ROS1: variants seen among roughly 807,000 people sequenced by gnomAD.
The protein encoded by ROS1 is ROS proto-oncogene 1, receptor tyrosine kinase.
A neutral mutation model predicts 273.5 loss-of-function variants in ROS1; 263 were observed. The ratio of observed to expected loss-of-function variants is 0.96; its 90% confidence interval spans 0.87 to 1.06. The LOEUF (loss-of-function observed/expected upper bound fraction) is 1.06. Ranked by LOEUF, ROS1 falls within the 50% of genes least tolerant of loss-of-function variation. The probability of loss-of-function intolerance (pLI) is 0.00; values close to 1 mark genes in which losing one functional copy is unlikely to be tolerated. For missense variants in ROS1, 2,833 were observed against 2,751.1 expected, an observed-to-expected ratio of 1.03 and a Z score of -0.67; for synonymous variants, 1,008 against 954.1, an observed-to-expected ratio of 1.06 and a Z score of -1.04.
Position 117,299,093 on chromosome 6 carries a change from C to T in ROS1, c.6715+1881G>A, listed in dbSNP as rs183344322. Among the ~76,000 whole-genome samples, 97 of 152,226 alleles carry T rather than the reference C, an allele frequency of 6.4e-4. 1 individual carries two copies. Among genetic ancestry groups the T allele is most frequent in the Non-Finnish European group, 6.9e-4 (47 of 68,026 alleles). On this transcript the variant is annotated intron_variant, in intron 43 of 43. Transcript: ENST00000368507. ...TGGCATTCTAAGAATCAGCTCTGTC[C>T]AGGATGATAGTGAGTAGAAACAATG...
chr6:117,326,381 A>T lies in ROS1; in HGVS notation c.5382T>A (p.Asn1794Lys). 6.4e-7 allele frequency: 1 copy of T among 1,558,488 alleles called. No individual in the cohort carries two copies. The highest frequency in any genetic ancestry group is 8.6e-7 in the Non-Finnish European group (1 of 1,161,378). Reference sequence around the variant, plus strand: ...CATTAAATGTCATCTTCCACCTTAAATTCTGGTTCTGTAAATTATTTGAAG... The same window carrying T: ...CATTAAATGTCATCTTCCACCTTAATTTCTGGTTCTGTAAATTATTTGAAG... Reference protein sequence around the residue: ...KSTSNNLQNQNLRWKMTFNGS... With the variant: ...KSTSNNLQNQKLRWKMTFNGS... The change falls in exon 34 of 44, where the codon AAT becomes AAA. Residue 1794 changes from asparagine (N) to lysine (K), a missense_variant. By Grantham distance (94) the Asn-to-Lys change is moderately conservative. Transcript: ENST00000368507.
At chr6:117,369,767 A>C (rs945839813) in intron 18 of ROS1, among the ~76,000 whole-genome samples, 5 of 152,166 alleles carry the variant, frequency 3.3e-5, no homozygotes, top group Admixed American at 3.3e-4. Flanking sequence ...CACAGGTAGG[A>C]AACTAGCCAG....
At chr6:117,326,584 T>C (rs1199758542) in intron 33 of ROS1, among the ~76,000 whole-genome samples, 170 bp from the exon 34 acceptor site, 1 of 152,094 alleles carries the variant, frequency 6.6e-6, no homozygotes, top group Non-Finnish European at 1.5e-5. Flanking sequence ...CAGCATGGTT[T>C]TATAGTGATC....
chr6:117,344,207 G>A lies in ROS1; in HGVS notation c.4359C>T (p.Ala1453=). The change falls in exon 28 of 44, where the codon GCC becomes GCT. Residue 1453 remains alanine, a synonymous_variant. Coordinates refer to ENST00000368507, the MANE Select transcript of ROS1 (RefSeq NM_001378902.1). ...ATCTGATTGTGAGGCTAGTGTTAGT[G>A]GCATTAAGTATAGTTGGTTCCACAG... ...SDTVEPTILN[A]TNTSLTIRLP... 1 of 1,613,972 alleles carries A rather than the reference G, an allele frequency of 6.2e-7. No individual in the cohort carries two copies. Among genetic ancestry groups the A allele is most frequent in the Non-Finnish European group, 8.5e-7 (1 of 1,179,954 alleles).
rs3836983 is a variant in ROS1, at chr6:117,414,553, GAAA to G, written c.229-11_229-9del. ...GGTGGCATAAGTATCATTCTGCATA[GAAA>G]AAAAAAAAGACTACTTAAAATCTTG... On this transcript the variant is annotated splice_polypyrimidine_tract_variant and intron_variant, in intron 3 of 43. Transcript: ENST00000368507. The G allele has an allele frequency of 1.7e-5, 10 of 589,310 alleles. No individual in the cohort carries two copies. The highest frequency in any genetic ancestry group is 8.9e-5 in the Admixed American group (3 of 33,624). The allele number at this position is 589,310 out of a possible 1,614,324, so 36.5% of individuals were successfully genotyped here.
chr6:117,326,087 AAGATT>A (rs1355042741), intron 34 of ROS1, 132 bp downstream of exon 34: 36 of 173,252 alleles, frequency 2.1e-4, no homozygotes, highest in Admixed American at 3.2e-4. Context: ...TTTGGATAAT[AAGATT>A]ATATATATAT....
intron 12 of ROS1, among the ~76,000 whole-genome samples, chr6:117,392,902 C>T (rs144094641): frequency 6.6e-6 from 1 of 152,164 alleles, no homozygotes; most frequent in Non-Finnish European, 1.5e-5. Context: ...GAAAGTGAGA[C>T]TCAATCCCAT....
In ROS1 at chr6:117,287,913, G is replaced by A. The variant is rs531820324; in HGVS notation, c.*579C>T. Among the ~76,000 whole-genome samples, 7 of 93,120 alleles carry A rather than the reference G, an allele frequency of 7.5e-5. No homozygotes were observed. Among genetic ancestry groups the A allele is most frequent in the East Asian group, 4.6e-4 (2 of 4,354 alleles). The allele number at this position is 93,120 out of a possible 152,430, so 61.1% of individuals were successfully genotyped here. On this transcript the variant is annotated 3_prime_UTR_variant, in exon 44 of 44. Transcript: ENST00000368507. ...AGCCTGGGCAACAGAGCAAGACTTC[G>A]TCTCAAAAAAAAAAAAAAAAAATTA...
Position 117,329,351 on chromosome 6 carries a change from T to G in ROS1, c.5326A>C (p.Thr1776Pro), listed in dbSNP as rs149390376. ...EKAEDNGCRITYYILEIRKST... is the reference protein window; with the variant it reads ...EKAEDNGCRIPYYILEIRKST... ...TACCTTATCTCAAGGATATAGTATGTAATTCTACATCCATTATCTTCAGCT... is the reference window on the plus strand; with the variant it reads ...TACCTTATCTCAAGGATATAGTATGGAATTCTACATCCATTATCTTCAGCT... The change falls in exon 33 of 44, where the codon ACA (threonine) becomes CCA (proline). Residue 1776 changes from threonine (T) to proline (P), a missense_variant. Coordinates refer to ENST00000368507, the MANE Select transcript of ROS1 (RefSeq NM_001378902.1). 89 of 1,531,544 alleles carry G rather than the reference T, an allele frequency of 5.8e-5. 1 individual carries two copies. Among genetic ancestry groups the G allele is most frequent in the Non-Finnish European group, 7.6e-5 (84 of 1,106,236 alleles). The allele number at this position is 1,531,544 out of a possible 1,614,324, so 94.9% of individuals were successfully genotyped here.
chr6:117,334,937 A>T (rs953562475), intron 32 of ROS1, among the ~76,000 whole-genome samples: 1 of 152,234 alleles, frequency 6.6e-6, no homozygotes, highest in African/African-American at 2.4e-5. Context: ...ATGGGCAAAG[A>T]CTTCATGACT....
intron 35 of ROS1, among the ~76,000 whole-genome samples, chr6:117,323,159 T>C (rs1776398117): frequency 6.6e-6 from 1 of 152,160 alleles, no homozygotes; most frequent in Non-Finnish European, 1.5e-5. Flanking sequence ...AACCACAGGT[T>C]AAAATCCTGG....
chr6:117,357,680 G>T (rs2273604), intron 25 of ROS1, 124 bp downstream of exon 25: 79,369 of 633,428 alleles, frequency 0.13, 5,764 homozygotes, highest in South Asian at 0.21. Flanking sequence ...ATAATATAGT[G>T]GGCCAAGAGC....
intron 39 of ROS1, among the ~76,000 whole-genome samples, chr6:117,316,917 C>T (rs1775961702): frequency 6.6e-6 from 1 of 151,992 alleles, no homozygotes; most frequent in Non-Finnish European, 1.5e-5. Flanking sequence ...GTCATGTTCT[C>T]CCATTAAATA....
rs372757261 is a variant in ROS1 at position 117,317,212 on chromosome 6, T to C, written c.6048A>G (p.Gln2016=). Residue 2016 remains glutamine, a synonymous_variant, in exon 39 of 44, where the codon CAA becomes CAG. Coordinates refer to ENST00000368507, the MANE Select transcript of ROS1 (RefSeq NM_001378902.1). ...CCTCCATCAGTTCCAGGATAATGTA[T>C]TGGGGTTCATTCAGCAGACAAACTC... ...QLGVCLLNEP[Q]YIILELMEGG... is the part of the protein sequence containing the mutation. The C allele has an allele frequency of 9.7e-5, 157 of 1,613,396 alleles. No individual in the cohort carries two copies. In the African/African-American group the frequency reaches 1.6e-3, roughly 16 times the overall value.
chr6:117,339,787 G>A (rs1777781554), intron 31 of ROS1, among the ~76,000 whole-genome samples: 1 of 152,088 alleles, frequency 6.6e-6, no homozygotes, highest in African/African-American at 2.4e-5. Flanking sequence ...AATTCAACCA[G>A]GAGATCTCTG....
intron 22 of ROS1, 112 bp downstream of exon 22, chr6:117,362,491 A>T (rs1448787317): frequency 4.1e-6 from 4 of 963,954 alleles, no homozygotes; most frequent in Non-Finnish European, 6.0e-6. Flanking sequence ...GGCCAATCAA[A>T]ATCTAGGTAT....
chr6:117,402,383 C>T (rs569530494), intron 7 of ROS1, among the ~76,000 whole-genome samples: 4 of 152,216 alleles, frequency 2.6e-5, no homozygotes, highest in Non-Finnish European at 4.4e-5. Context: ...TTTGCTCAAA[C>T]TTTACCCCAC....
chr6:117,417,414 C>T (rs1192199089), intron 2 of ROS1, among the ~76,000 whole-genome samples: 2 of 152,164 alleles, frequency 1.3e-5, no homozygotes. Flanking sequence ...GTTCATCACT[C>T]ACTGCCTCAA....
intron 43 of ROS1, among the ~76,000 whole-genome samples, chr6:117,290,479 A>G (rs1773757912): frequency 1.3e-5 from 2 of 152,238 alleles, no homozygotes; most frequent in African/African-American, 4.8e-5. Flanking sequence ...GTCAGATCTT[A>G]AGGCAGATAT....
Sources: gnomAD v4.1 joint callset for allele counts (sites outside exome capture counted in the v4.1 genomes callset) on GRCh38, gnomAD v4.1.1 for gene constraint, MANE v1.5 for transcripts, NCBI Gene and HGNC (gene_info 2026-07-23, HGNC 2026-07-21) for gene names.